ZNF208: variants seen among roughly 807,000 people sequenced by gnomAD.
The protein encoded by ZNF208 is zinc finger protein 208, also known as zinc finger protein 95.
In ZNF208, 10 loss-of-function variants were observed where a neutral mutation model predicts 12.1. The ratio of observed to expected loss-of-function variants is 0.83; its 90% CI spans 0.51 to 1.40. The LOEUF (loss-of-function observed/expected upper bound fraction) is 1.40. Among genes scored for constraint, ZNF208 ranks in the 40% most tolerant of loss-of-function variants. The pLI is 0.00. For synonymous variants in ZNF208, 497 were observed against 488.4 expected (o/e 1.02, Z -0.23); for missense variants, 1,652 against 1,485.0 (o/e 1.11, Z -1.85).
intron 1 of ZNF208, among the ~76,000 whole-genome samples, chr19:22,005,327 A>G (rs1233229427): frequency 2.6e-5 from 4 of 152,194 alleles, no homozygotes; most frequent in Non-Finnish European, 5.9e-5. Context: ...TTAAGTTTTC[A>G]GTCCTCTGTC....
chr19:21,955,823 T>C (rs1969965511), intron 4 of ZNF208, among the ~76,000 whole-genome samples: 1 of 152,228 alleles, frequency 6.6e-6, no homozygotes, highest in South Asian at 2.1e-4. Flanking sequence ...GTCTGAAGCC[T>C]TCTTCTCTCA....
At chr19:21,979,373 G>A (rs1236864363) in intron 3 of ZNF208, among the ~76,000 whole-genome samples, 1 of 152,200 alleles carries the variant, frequency 6.6e-6, no homozygotes, top group Non-Finnish European at 1.5e-5. Context: ...ACTAACAGTG[G>A]ATTTCTCTGC....
In ZNF208 at chr19:21,970,777, A is replaced by T; in HGVS notation, c.*414T>A. On this transcript the variant is annotated 3_prime_UTR_variant, in exon 4 of 4. Transcript: ENST00000397126. ...TTGCCAAATTCTTCACATTTTTAGA[A>T]TTTCTCTCCAGCATGAATTTTCTTA... The T allele has an allele frequency of 4.3e-6, 6 of 1,410,780 alleles. No homozygotes were observed. The highest frequency in any genetic ancestry group is 6.0e-6 in the Non-Finnish European group (6 of 1,002,590). 87.4% of individuals were successfully genotyped at this position (1,410,780 alleles called of 1,614,324 possible). A position where few individuals can be genotyped will look rare whatever the true frequency, so the allele number is the denominator to read the frequency against.
chr19:22,000,147 T>G (rs1970917739), intron 1 of ZNF208, among the ~76,000 whole-genome samples: 1 of 152,186 alleles, frequency 6.6e-6, no homozygotes, highest in African/African-American at 2.4e-5. Flanking sequence ...AATGGACAGA[T>G]CATTGAAGAA....
chr19:21,977,579 C>A (rs1471164720), intron 3 of ZNF208, among the ~76,000 whole-genome samples: 1 of 152,196 alleles, frequency 6.6e-6, no homozygotes, highest in Admixed American at 6.5e-5. Flanking sequence ...TCTTCGCAGC[C>A]TGCAGACCAG....
rs1413455733 is a variant in ZNF208 at position 21,972,903 on chromosome 19, G to A, written c.2131C>T (p.His711Tyr). The A allele has an allele frequency of 1.2e-6, 2 of 1,613,236 alleles. No individual in the cohort carries two copies. The highest frequency in any genetic ancestry group is 1.7e-6 in the Non-Finnish European group (2 of 1,179,788). ...TTCTCTCCAGTATGAATTCTCTTATGTTCCATAAGGTTTGAGGACCAGTTG... is the reference window on the plus strand; with the variant it reads ...TTCTCTCCAGTATGAATTCTCTTATATTCCATAAGGTTTGAGGACCAGTTG... ...AFNWSSNLME[H>Y]KRIHTGEKPY... The change falls in exon 4 of 4, where the codon CAT becomes TAT. Residue 711 changes from histidine to tyrosine, a missense_variant. Transcript: ENST00000397126.
intron 4 of ZNF208, among the ~76,000 whole-genome samples, chr19:21,949,981 G>A (rs1969866020): frequency 6.6e-6 from 1 of 152,188 alleles, no homozygotes; most frequent in Non-Finnish European, 1.5e-5. Context: ...ACCTGCCCTT[G>A]CCTGAACTCA....
intron 4 of ZNF208, among the ~76,000 whole-genome samples, chr19:21,953,032 T>C (rs1969917215): frequency 1.3e-5 from 2 of 152,180 alleles, no homozygotes; most frequent in Non-Finnish European, 2.9e-5. Context: ...CAAGCTTCAA[T>C]AGCCAATTCA....
chr19:21,981,207 T>G (rs1970531190), intron 3 of ZNF208, among the ~76,000 whole-genome samples: 1 of 152,132 alleles, frequency 6.6e-6, no homozygotes, highest in Non-Finnish European at 1.5e-5. Context: ...TAACTCATTT[T>G]ATGAGGCCAG....
Position 21,970,646 on chromosome 19 carries a change from G to T in ZNF208, c.*545C>A. The stretch of plus-strand genomic sequence containing the variant: ...GTATGAATTCTCTTATGTTCCATAA[G>T]GTTTGAGGACTGGTTGAAGCCTTTG... On this transcript the variant is annotated 3_prime_UTR_variant, in exon 4 of 4. Transcript: ENST00000397126. 1 of 1,018,150 alleles carries T rather than the reference G, an allele frequency of 9.8e-7. No individual in the cohort carries two copies. Among genetic ancestry groups the T allele is most frequent in the Non-Finnish European group, 1.5e-6 (1 of 658,576 alleles). The allele number at this position is 1,018,150 out of a possible 1,614,324, so 63.1% of individuals were successfully genotyped here. A position where few individuals can be genotyped will look rare whatever the true frequency, so the allele number is the denominator to read the frequency against.
chr19:21,941,512 C>T, intron 4 of ZNF208: 1 of 396,122 alleles, frequency 2.5e-6, no homozygotes, highest in Non-Finnish European at 4.4e-6. Flanking sequence ...AAAGGTGATT[C>T]TCAACACAAG....
At chr19:21,954,605 T>C (rs1254787672) in intron 4 of ZNF208, among the ~76,000 whole-genome samples, 5 of 152,212 alleles carry the variant, frequency 3.3e-5, no homozygotes, top group African/African-American at 1.2e-4. Context: ...TCTTTGTCTC[T>C]TTTGATCTTT....
downstream of ZNF208, among the ~76,000 whole-genome samples, chr19:21,964,313 A>G (rs1045422696): frequency 6.6e-6 from 1 of 151,806 alleles, no homozygotes; most frequent in Admixed American, 6.6e-5. Flanking sequence ...AACAGTCAGA[A>G]CCCAGCACTC....
chr19:21,958,309 C>G (rs564029666), intron 4 of ZNF208, among the ~76,000 whole-genome samples: 4 of 152,196 alleles, frequency 2.6e-5, no homozygotes, highest in African/African-American at 9.6e-5. Context: ...GTAAGCCAAC[C>G]AGCAATCTCT....
In ZNF208 at chr19:21,968,439, C is replaced by T. The variant is rs773893469; in HGVS notation, c.*2752G>A. The T allele has an allele frequency of 2.6e-5, 4 of 151,884 alleles. No individual in the cohort carries two copies. The highest frequency in any genetic ancestry group is 5.9e-5 in the Non-Finnish European group (4 of 67,968). The allele number at this position is 151,884 out of a possible 1,614,324, so 9.4% of individuals were successfully genotyped here. The stretch of plus-strand genomic sequence containing the variant: ...TGGGTTTTCTTGAATGCTTTTTCTG[C>T]CCCTACTGTTATTTTTTTTTCTTTT... On this transcript the variant is annotated 3_prime_UTR_variant, in exon 4 of 4. Transcript: ENST00000397126.
chr19:21,952,828 T>C (rs899511464), intron 4 of ZNF208, among the ~76,000 whole-genome samples: 1 of 152,140 alleles, frequency 6.6e-6, no homozygotes, highest in African/African-American at 2.4e-5. Context: ...CTTTGCTGAG[T>C]TGACAGAAGT....
rs1970258045 is a variant in ZNF208, at chr19:21,970,464, T to G, written c.*727A>C. On this transcript the variant is annotated 3_prime_UTR_variant, in exon 4 of 4. Transcript: ENST00000397126. ...GGGTTTCCCTCCTGTACAAATTCCC[T>G]TATGTTCAGTAAGCGTTGAGAATTA... 6.6e-6 allele frequency among the ~76,000 whole-genome samples: 1 copy of G among 152,210 alleles called. No homozygotes were observed. Among genetic ancestry groups the G allele is most frequent in the Non-Finnish European group, 1.5e-5 (1 of 68,026 alleles).
At chr19:21,940,693 T>C (rs73930941) in intron 4 of ZNF208, 24,987 of 152,272 alleles carry the variant, frequency 0.16, 2,307 homozygotes, top group African/African-American at 0.23. Context: ...TGCTCAGGCG[T>C]GAGGGGTGCG....
rs368192167 is a variant in ZNF208 at position 21,971,326 on chromosome 19, C to A, written c.3708G>T (p.Thr1236=). 21 of 1,611,268 alleles carry A rather than the reference C, an allele frequency of 1.3e-5. No individual in the cohort carries two copies. In the African/African-American group the frequency reaches 1.9e-4, roughly 14 times the overall value. Reference sequence around the variant, plus strand: ...CCTTATGTTTAGTGAGGATTGAGAACGTACTAAAGGCTTTGCCACATTCTT... The same window carrying A: ...CCTTATGTTTAGTGAGGATTGAGAAAGTACTAAAGGCTTTGCCACATTCTT... ...KCEECGKAFS[T]FSILTKHKVI... is the part of the protein sequence containing the mutation. Residue 1236 remains threonine (T), a synonymous_variant, in exon 4 of 4, where the codon ACG becomes ACT. Transcript: ENST00000397126.
Sources: allele counts gnomAD v4.1 joint callset (sites outside exome capture counted in the v4.1 genomes callset), GRCh38; gene constraint gnomAD v4.1.1; transcripts MANE v1.5; gene names NCBI Gene and HGNC (gene_info 2026-07-23, HGNC 2026-07-21).